GOLPH3L: variants seen among roughly 807,000 people sequenced by gnomAD.
GOLPH3L encodes golgi phosphoprotein 3 like, also known as Golgi phosphoprotein 3-like.
In GOLPH3L, 22 loss-of-function variants were observed where a neutral mutation model predicts 30.3. The observed-to-expected ratio is 0.73, with a 90% CI of 0.52 to 1.04. GOLPH3L has a LOEUF of 1.04. Among genes scored for constraint, GOLPH3L ranks in the 50% least tolerant of loss-of-function variants. GOLPH3L has a pLI of 0.00. For missense variants in GOLPH3L, 303 were observed against 345.8 expected (o/e 0.88, Z 0.98); for synonymous variants, 120 against 128.2 (o/e 0.94, Z 0.43).
At chr1:150,660,327 T>C (rs1453991850) in intron 4 of GOLPH3L, among the ~76,000 whole-genome samples, 2 of 152,106 alleles carry the variant, frequency 1.3e-5, no homozygotes, top group African/African-American at 4.8e-5. Context: ...CCCTGGTGCA[T>C]ACTGGTGGGA....
chr1:150,648,201 A>G lies in GOLPH3L; in HGVS notation c.*120T>C. 2 of 718,302 alleles carry G rather than the reference A, an allele frequency of 2.8e-6. No individual in the cohort carries two copies. Among genetic ancestry groups the G allele is most frequent in the Non-Finnish European group, 4.6e-6 (2 of 437,362 alleles). 44.5% of individuals were successfully genotyped at this position (718,302 alleles called of 1,614,324 possible). ...CCTGAAGTTGCTCTCCCCAAATCAC[A>G]AGTCTGATTCAAGAAAAGGAAACAA... On this transcript the variant is annotated 3_prime_UTR_variant, in exon 5 of 5. Transcript: ENST00000271732.
At chr1:150,683,530 T>TAAA (rs1557788420) in intron 2 of GOLPH3L, among the ~76,000 whole-genome samples, 11 of 27,600 alleles carry the variant, frequency 4.0e-4, no homozygotes, top group African/African-American at 6.4e-4. Flanking sequence ...AGACTCTGTC[T>TAAA]CAAAAAAAAA....
At chr1:150,684,411 G>A (rs1232365181) in intron 2 of GOLPH3L, among the ~76,000 whole-genome samples, 2 of 151,970 alleles carry the variant, frequency 1.3e-5, no homozygotes, top group African/African-American at 2.4e-5. Context: ...CAAACTCCTG[G>A]GCTCAAGCAA....
At position 150,669,980 on chromosome 1, in the gene GOLPH3L, G is replaced by T. The variant is rs191902872; in HGVS notation, c.184-6217C>A. ...TCCGTCTCAAAAAAAAAAACTGCAG[G>T]CCCGGCGTGGTCGCTCAGGACTGTA... is the stretch of plus-strand genomic sequence containing the variant. On this transcript the variant is annotated intron_variant, in intron 2 of 4. Transcript: ENST00000271732. 5.3e-4 allele frequency among the ~76,000 whole-genome samples: 78 copies of T among 148,256 alleles called. No homozygotes were observed. The East Asian group carries it at 0.013, about 24-fold the overall frequency.
intron 4 of GOLPH3L, among the ~76,000 whole-genome samples, chr1:150,656,223 C>A (rs1650237291): frequency 6.6e-6 from 1 of 152,144 alleles, no homozygotes; most frequent in Admixed American, 6.5e-5. Context: ...CAGCTCCTGA[C>A]AAAATTCAGA....
intron 2 of GOLPH3L, among the ~76,000 whole-genome samples, chr1:150,672,469 C>T (rs587595676): frequency 7.9e-5 from 12 of 152,292 alleles, no homozygotes; most frequent in African/African-American, 1.9e-4. Flanking sequence ...CTCAATCTAT[C>T]GCCCAGGCTG....
rs143215469 is a variant in GOLPH3L, at chr1:150,652,290, A to G, written c.431-3542T>C. On this transcript the variant is annotated intron_variant, in intron 4 of 4. Coordinates refer to ENST00000271732, the MANE Select transcript of GOLPH3L (RefSeq NM_018178.6). Reference sequence around the variant, plus strand: ...CAGCTACTCAGGAGGCTGAGGCAGGAGAATCACTTGAACCCAGGAAGTGGA... The same window carrying G: ...CAGCTACTCAGGAGGCTGAGGCAGGGGAATCACTTGAACCCAGGAAGTGGA... Among the ~76,000 whole-genome samples the G allele has an allele frequency of 6.0e-3, 880 of 146,840 alleles. 2 individuals carry two copies. Among genetic ancestry groups the G allele is most frequent in the Non-Finnish European group, 8.7e-3 (582 of 66,798 alleles).
intron 3 of GOLPH3L, among the ~76,000 whole-genome samples, chr1:150,662,855 T>C (rs1650400354): frequency 6.6e-6 from 1 of 151,582 alleles, no homozygotes; most frequent in Non-Finnish European, 1.5e-5. Context: ...TTAAGTGGAG[T>C]GCTTAGGATG....
At chr1:150,684,685 T>G (rs1209515846) in intron 2 of GOLPH3L, among the ~76,000 whole-genome samples, 1 of 152,124 alleles carries the variant, frequency 6.6e-6, no homozygotes, top group East Asian at 1.9e-4. Context: ...ATTTTTTTTT[T>G]GGAGAGAGTT....
At position 150,694,546 on chromosome 1, in the gene GOLPH3L, G is replaced by A. The variant is rs1201549423; in HGVS notation, c.183+110C>T. On this transcript the variant is annotated intron_variant, in intron 2 of 4. Coordinates refer to ENST00000271732, the MANE Select transcript of GOLPH3L (RefSeq NM_018178.6). The stretch of plus-strand genomic sequence containing the variant: ...CTCCTCCATCTTCCAGATGGTTAGA[G>A]CACAATTCTAAGACCAATTTATTAT... 5 of 658,222 alleles carry A rather than the reference G, an allele frequency of 7.6e-6. No homozygotes were observed. The East Asian group carries it at 8.7e-5, about 11-fold the overall frequency. 40.8% of individuals were successfully genotyped at this position (658,222 alleles called of 1,614,324 possible). A position where few individuals can be genotyped will look rare whatever the true frequency, so the allele number is the denominator to read the frequency against.
At chr1:150,667,574 G>C (rs1650534961) in intron 2 of GOLPH3L, among the ~76,000 whole-genome samples, 1 of 150,344 alleles carries the variant, frequency 6.7e-6, no homozygotes, top group Non-Finnish European at 1.5e-5. Flanking sequence ...CTATTTACTA[G>C]TCTTTTCTTT....
intron 4 of GOLPH3L, among the ~76,000 whole-genome samples, chr1:150,657,857 C>CA (rs2101783504): frequency 6.6e-6 from 1 of 152,330 alleles, no homozygotes; most frequent in East Asian, 1.9e-4. Flanking sequence ...ACAACTGAAT[C>CA]TAGCATCATT....
At position 150,647,298 on chromosome 1, in the gene GOLPH3L, A is replaced by T. The variant is rs950057241; in HGVS notation, c.*1023T>A. Reference sequence around the variant, plus strand: ...AATTGCTTGAGCCCAGGAATTCAAGACCAGCCTGGGCAACAAAGCGAGACT... The same window carrying T: ...AATTGCTTGAGCCCAGGAATTCAAGTCCAGCCTGGGCAACAAAGCGAGACT... On this transcript the variant is annotated 3_prime_UTR_variant, in exon 5 of 5. Coordinates refer to ENST00000271732, the MANE Select transcript of GOLPH3L (RefSeq NM_018178.6). The T allele has an allele frequency of 7.9e-5, 12 of 152,144 alleles. No individual in the cohort carries two copies. The highest frequency in any genetic ancestry group is 2.9e-4 in the African/African-American group (12 of 41,388). The allele number at this position is 152,144 out of a possible 1,614,324, so 9.4% of individuals were successfully genotyped here.
At chr1:150,670,528 C>T (rs1341160233) in intron 2 of GOLPH3L, among the ~76,000 whole-genome samples, 6 of 148,886 alleles carry the variant, frequency 4.0e-5, no homozygotes, top group Non-Finnish European at 7.5e-5. Flanking sequence ...ACCCAGGAGG[C>T]GGAGCTTGCA....
chr1:150,689,123 A>G (rs1003805904), intron 2 of GOLPH3L, among the ~76,000 whole-genome samples: 2 of 152,200 alleles, frequency 1.3e-5, no homozygotes, highest in African/African-American at 2.4e-5. Context: ...CTTCTTGCCA[A>G]TTTTTACCAC....
chr1:150,666,758 GGTGATTT>G (rs1437598703), intron 2 of GOLPH3L, among the ~76,000 whole-genome samples: 1 of 151,892 alleles, frequency 6.6e-6, no homozygotes, highest in Non-Finnish European at 1.5e-5. Context: ...ACATTTGTCT[GGTGATTT>G]GTGATTTTTT....
intron 3 of GOLPH3L, among the ~76,000 whole-genome samples, chr1:150,663,111 T>C (rs1650407854): frequency 6.6e-6 from 1 of 151,962 alleles, no homozygotes; most frequent in Non-Finnish European, 1.5e-5. Context: ...CTTGGCTCAC[T>C]GCAAGCTCCA....
At chr1:150,658,889 G>C (rs587681070) in intron 4 of GOLPH3L, among the ~76,000 whole-genome samples, 1 of 152,132 alleles carries the variant, frequency 6.6e-6, no homozygotes, top group Non-Finnish European at 1.5e-5. Context: ...CCAAATTTGG[G>C]AAAGAATAAA....
chr1:150,661,781 G>GT (rs758391779), intron 4 of GOLPH3L, 33 bp downstream of exon 4: 2 of 935,654 alleles, frequency 2.1e-6, no homozygotes, highest in East Asian at 4.8e-5. Flanking sequence ...ATAACAAAGT[G>GT]TGAAATTCAT....
Sources: allele counts gnomAD v4.1 joint callset (sites outside exome capture counted in the v4.1 genomes callset), GRCh38; gene constraint gnomAD v4.1.1; transcripts MANE v1.5; gene names NCBI Gene and HGNC (gene_info 2026-07-23, HGNC 2026-07-21).